The following SUCLG1 variants were observed in gnomAD, a reference collection of about 807,000 sequenced individuals.
The protein encoded by SUCLG1 is succinate-CoA ligase GDP/ADP-forming subunit alpha, also known as succinate--CoA ligase [ADP/GDP-forming] subunit alpha, mitochondrial.
Under a neutral mutation model 37.3 loss-of-function variants are expected in SUCLG1, and 26 were observed. The observed-to-expected ratio is 0.70, with a 90% CI of 0.51 to 0.97. SUCLG1 has a LOEUF of 0.97. Among genes scored for constraint, SUCLG1 ranks in the 50% least tolerant of loss-of-function variants. The pLI is 0.00. For missense variants in SUCLG1, 433 were observed against 432.9 expected, an observed-to-expected ratio of 1.00 and a Z score of 0.00; for synonymous variants, 163 against 155.6, an observed-to-expected ratio of 1.05 and a Z score of -0.36.
At chr2:84,431,373 T>C in intron 7 of SUCLG1, 135 bp downstream of exon 7, 3 of 1,074,810 alleles carry the variant, frequency 2.8e-6, no homozygotes, top group South Asian at 2.9e-5. Context: ...GTGTCCAGTA[T>C]AGAAGGCCCT....
chr2:84,423,939 T>C (rs538166346), intron 8 of SUCLG1, among the ~76,000 whole-genome samples, 167 bp from the exon 9 acceptor site: 1 of 152,332 alleles, frequency 6.6e-6, no homozygotes, highest in South Asian at 2.1e-4. Flanking sequence ...GAACACAGAA[T>C]AACAGCTTTC....
chr2:84,430,872 C>A lies in SUCLG1; in HGVS notation c.825+636G>T, dbSNP rs1223684317. 2.0e-5 allele frequency among the ~76,000 whole-genome samples: 3 copies of A among 152,128 alleles called. No individual in the cohort carries two copies. The East Asian group carries it at 5.8e-4, about 29-fold the overall frequency. On this transcript the variant is annotated intron_variant, in intron 7 of 8. Coordinates refer to ENST00000393868, the MANE Select transcript of SUCLG1 (RefSeq NM_003849.4). Reference sequence around the variant, plus strand: ...GGCCACCACACTGCTTCAGTCACTACCGCACCCCCATCTCTCCTTTCACCA... The same window carrying A: ...GGCCACCACACTGCTTCAGTCACTAACGCACCCCCATCTCTCCTTTCACCA...
intron 2 of SUCLG1, among the ~76,000 whole-genome samples, chr2:84,444,157 G>A (rs926361202): frequency 6.6e-6 from 1 of 152,086 alleles, no homozygotes; most frequent in African/African-American, 2.4e-5. Context: ...TAGGCTTCTG[G>A]GGCTTGACTT....
intron 7 of SUCLG1, among the ~76,000 whole-genome samples, chr2:84,427,919 G>A (rs1672558311): frequency 6.6e-6 from 1 of 152,162 alleles, no homozygotes; most frequent in South Asian, 2.1e-4. Context: ...AGTGAAACTG[G>A]CTTTTTTTTT....
At chr2:84,439,242 G>A (rs1385424832) in intron 5 of SUCLG1, among the ~76,000 whole-genome samples, 1 of 150,780 alleles carries the variant, frequency 6.6e-6, no homozygotes, top group Non-Finnish European at 1.5e-5. Flanking sequence ...TCTCCCAGAC[G>A]ACTGTCTCAT....
At chr2:84,448,089 A>AT (rs58974873) in intron 2 of SUCLG1, among the ~76,000 whole-genome samples, 6,581 of 142,802 alleles carry the variant, frequency 0.046, 296 homozygotes, top group African/African-American at 0.12. Context: ...TTGATATTGG[A>AT]TTTTTTTTTT....
At chr2:84,428,566 G>A (rs1238855183) in intron 7 of SUCLG1, among the ~76,000 whole-genome samples, 1 of 152,138 alleles carries the variant, frequency 6.6e-6, no homozygotes, top group South Asian at 2.1e-4. Context: ...CAAAAAGTGG[G>A]AATATTGTTG....
chr2:84,425,732 A>G, intron 7 of SUCLG1, 129 bp from the exon 8 acceptor site: 2 of 988,226 alleles, frequency 2.0e-6, no homozygotes, highest in Non-Finnish European at 3.2e-6. Context: ...ATCTTAGGAA[A>G]ACCAACACAA....
In SUCLG1 at chr2:84,441,030, GTAA is replaced by G. The variant is rs1672762821; in HGVS notation, c.589+14_589+16del. ...AAATAACGTTTTAATCTATAAGAATGTAACAAACAAACTCACCAATCCTTCCTT... is the reference window on the plus strand; with the variant it reads ...AAATAACGTTTTAATCTATAAGAATGCAAACAAACTCACCAATCCTTCCTT... On this transcript the variant is annotated intron_variant, in intron 5 of 8. Coordinates refer to ENST00000393868, the MANE Select transcript of SUCLG1 (RefSeq NM_003849.4). 1.2e-6 allele frequency: 2 copies of G among 1,612,646 alleles called. No homozygotes were observed. The highest frequency in any genetic ancestry group is 1.3e-5 in the African/African-American group (1 of 74,888).
chr2:84,456,921 C>G (rs1673029657), intron 1 of SUCLG1, among the ~76,000 whole-genome samples: 1 of 152,208 alleles, frequency 6.6e-6, no homozygotes, highest in African/African-American at 2.4e-5. Flanking sequence ...CTCAGCCTCC[C>G]AAAGTGCTGG....
intron 3 of SUCLG1, 145 bp downstream of exon 3, chr2:84,443,139 G>A: frequency 2.5e-6 from 2 of 790,638 alleles, no homozygotes; most frequent in South Asian, 2.8e-5. Context: ...CACTGGTTTT[G>A]ATGGCAATTC....
chr2:84,424,100 T>G (rs991415215), intron 8 of SUCLG1, among the ~76,000 whole-genome samples: 1 of 152,232 alleles, frequency 6.6e-6, no homozygotes, highest in South Asian at 2.1e-4. Flanking sequence ...CTGAGAAACT[T>G]CATTATGCTT....
intron 1 of SUCLG1, among the ~76,000 whole-genome samples, chr2:84,450,012 A>AG (rs199645894): frequency 1.3e-5 from 2 of 152,136 alleles, no homozygotes; most frequent in African/African-American, 4.8e-5. Flanking sequence ...TCCTGAACTG[A>AG]GGGAAAAAAA....
intron 5 of SUCLG1, 85 bp from the exon 6 acceptor site, chr2:84,433,520 G>T: frequency 1.9e-6 from 2 of 1,071,616 alleles, no homozygotes; most frequent in Non-Finnish European, 2.9e-6. Context: ...AACACTTCGA[G>T]TGACTAACAT....
At chr2:84,436,909 C>T (rs76854950) in intron 5 of SUCLG1, among the ~76,000 whole-genome samples, 1,755 of 152,278 alleles carry the variant, frequency 0.012, 32 homozygotes, top group East Asian at 0.066. Context: ...TATATGTTTA[C>T]TAAGTGAGTT....
intron 3 of SUCLG1, 99 bp from the exon 4 acceptor site, chr2:84,441,558 A>C: frequency 7.7e-7 from 1 of 1,303,424 alleles, no homozygotes; most frequent in South Asian, 1.3e-5. Flanking sequence ...GGGGTAAGAA[A>C]AGGACACTAC....
chr2:84,459,037 G>C (rs929773867), intron 1 of SUCLG1, 136 bp downstream of exon 1: 1 of 881,138 alleles, frequency 1.1e-6, no homozygotes, highest in African/African-American at 1.7e-5. Context: ...CCGACTCGAA[G>C]CCGGAATCCC....
intron 2 of SUCLG1, among the ~76,000 whole-genome samples, chr2:84,448,053 T>A (rs1024599781): frequency 6.6e-6 from 1 of 151,760 alleles, no homozygotes; most frequent in East Asian, 1.9e-4. Flanking sequence ...GAACAAAGTT[T>A]CATGGTTTTA....
At chr2:84,427,476 A>C (rs1254002506) in intron 7 of SUCLG1, among the ~76,000 whole-genome samples, 7 of 152,226 alleles carry the variant, frequency 4.6e-5, no homozygotes, top group African/African-American at 1.7e-4. Flanking sequence ...AGTTATGCAG[A>C]TCTTCCAAAT....
Sources: gnomAD v4.1 joint callset for allele counts (sites outside exome capture counted in the v4.1 genomes callset) on GRCh38, gnomAD v4.1.1 for gene constraint, MANE v1.5 for transcripts, NCBI Gene and HGNC (gene_info 2026-07-23, HGNC 2026-07-21) for gene names.